VPS26B: variants seen among roughly 807,000 people sequenced by gnomAD.
VPS26B encodes the protein VPS26 retromer complex component B.
A neutral mutation model predicts 33.3 loss-of-function variants in VPS26B; 10 were observed. The observed-to-expected ratio is 0.30, with a 90% CI of 0.19 to 0.51. The LOEUF (loss-of-function observed/expected upper bound fraction) is 0.51. VPS26B is among the 20% of genes least tolerant of loss of function. The probability of loss-of-function intolerance (pLI) is 0.98; values close to 1 mark genes in which losing one functional copy is unlikely to be tolerated. For synonymous variants in VPS26B, 190 were observed against 176.9 expected, an observed-to-expected ratio of 1.07 and a Z score of -0.59; for missense variants, 317 against 452.7, an observed-to-expected ratio of 0.70 and a Z score of 2.72.
intron 2 of VPS26B, among the ~76,000 whole-genome samples, chr11:134,237,923 G>A (rs1451833068): frequency 6.6e-6 from 1 of 152,218 alleles, no homozygotes; most frequent in Non-Finnish European, 1.5e-5. Flanking sequence ...GGTAGGTCAA[G>A]AGGGTAAGGC....
intron 4 of VPS26B, chr11:134,243,581 T>C: frequency 2.7e-6 from 1 of 364,670 alleles, no homozygotes; most frequent in South Asian, 6.5e-5. Flanking sequence ...CTTTGGAAGG[T>C]CCAGGTTTAG....
At position 134,225,054 on chromosome 11, in the gene VPS26B, A is replaced by G; in HGVS notation, c.-69A>G. ...CGCATCGGGCCCTCTGGCCTTCTTT[A>G]CCTAGGGCAGCCCGCGCCCCGGTGC... is the stretch of plus-strand genomic sequence containing the variant. On this transcript the variant is annotated 5_prime_UTR_variant, in exon 1 of 6. Coordinates refer to ENST00000281187, the MANE Select transcript of VPS26B (RefSeq NM_052875.5). 1 of 1,472,880 alleles carries G rather than the reference A, an allele frequency of 6.8e-7. No homozygotes were observed. Among genetic ancestry groups the G allele is most frequent in the Non-Finnish European group, 9.1e-7 (1 of 1,095,396 alleles). 91.2% of individuals were successfully genotyped at this position (1,472,880 alleles called of 1,614,324 possible). A position where few individuals can be genotyped will look rare whatever the true frequency, so the allele number is the denominator to read the frequency against.
In VPS26B at chr11:134,224,898, G is replaced by C. The variant is rs1006076585; in HGVS notation, c.-225G>C. 1 of 192,720 alleles carries C rather than the reference G, an allele frequency of 5.2e-6. No homozygotes were observed. Among genetic ancestry groups the C allele is most frequent in the Non-Finnish European group, 1.0e-5 (1 of 96,466 alleles). 11.9% of individuals were successfully genotyped at this position (192,720 alleles called of 1,614,324 possible). ...ACTGCTCCTCGGTGCATTGCTGCTCGGGCGCCGCAGCCCGCAGCCGCCAGC... is the reference window on the plus strand; with the variant it reads ...ACTGCTCCTCGGTGCATTGCTGCTCCGGCGCCGCAGCCCGCAGCCGCCAGC... On this transcript the variant is annotated 5_prime_UTR_variant, in exon 1 of 6. Transcript: ENST00000281187.
At chr11:134,242,469 C>T (rs1591883743) in intron 3 of VPS26B, among the ~76,000 whole-genome samples, 2 of 152,326 alleles carry the variant, frequency 1.3e-5, no homozygotes, top group East Asian at 3.9e-4. Flanking sequence ...AGATTTTACT[C>T]GTTCTCTCAT....
intron 3 of VPS26B, 87 bp from the exon 4 acceptor site, chr11:134,243,032 G>A (rs971358139): frequency 8.8e-6 from 12 of 1,366,954 alleles, no homozygotes; most frequent in Admixed American, 1.8e-5. Context: ...TAACCAGCAC[G>A]CTTGGCCGTG....
intron 2 of VPS26B, 156 bp from the exon 3 acceptor site, chr11:134,239,835 C>A: frequency 1.3e-6 from 1 of 775,252 alleles, no homozygotes; most frequent in Non-Finnish European, 2.1e-6. Flanking sequence ...GCATCTTTCC[C>A]TGGAAGAGGG....
chr11:134,246,794 G>A lies in VPS26B; in HGVS notation c.*1204G>A, dbSNP rs955694010. On this transcript the variant is annotated 3_prime_UTR_variant, in exon 6 of 6. Coordinates refer to ENST00000281187, the MANE Select transcript of VPS26B (RefSeq NM_052875.5). ...ATATTCTTGTTATGCTAGAGAGGAA[G>A]GTACTTCTCCCTCTACGGCTCTGCG... The A allele has an allele frequency of 6.6e-6, 1 of 152,218 alleles. No homozygotes were observed. The highest frequency in any genetic ancestry group is 2.4e-5 in the African/African-American group (1 of 41,392). The allele number at this position is 152,218 out of a possible 1,614,324, so 9.4% of individuals were successfully genotyped here. A position where few individuals can be genotyped will look rare whatever the true frequency, so the allele number is the denominator to read the frequency against.
In VPS26B at chr11:134,225,113, C is replaced by T. The variant is rs1938418362; in HGVS notation, c.-10C>T. 4.4e-6 allele frequency: 7 copies of T among 1,593,788 alleles called. No individual in the cohort carries two copies. The highest frequency in any genetic ancestry group is 2.3e-5 in the East Asian group (1 of 44,018). On this transcript the variant is annotated 5_prime_UTR_variant, in exon 1 of 6. Coordinates refer to ENST00000281187, the MANE Select transcript of VPS26B (RefSeq NM_052875.5). ...GGTCCTTACCGAGACCCGCCCGGCC[C>T]GGCGGTGCGATGAGCTTCTTCGGCT...
At chr11:134,242,083 A>G (rs900614170) in intron 3 of VPS26B, among the ~76,000 whole-genome samples, 1 of 152,206 alleles carries the variant, frequency 6.6e-6, no homozygotes, top group African/African-American at 2.4e-5. Flanking sequence ...TCTGTATAAC[A>G]TTTAGAATAC....
In VPS26B at chr11:134,245,502, C is replaced by A; in HGVS notation, c.923C>A (p.Ala308Asp). 6.2e-7 allele frequency: 1 copy of A among 1,614,002 alleles called. No individual in the cohort carries two copies. The stretch of plus-strand genomic sequence containing the variant: ...CGGAAGAGCATGTCCCACCAGGCGG[C>A]CATCGCCTCACAGCGCTTTGAGGGC... ...IVRKSMSHQA[A>D]IASQRFEGTT... Residue 308 changes from alanine to aspartate, a missense_variant, in exon 6 of 6, where the codon GCC becomes GAC. Coordinates refer to ENST00000281187, the MANE Select transcript of VPS26B (RefSeq NM_052875.5). The surrounding 1 kb of genome is among the most constrained non-coding windows in gnomAD (Gnocchi z 4.7).
intron 1 of VPS26B, among the ~76,000 whole-genome samples, chr11:134,233,588 G>C (rs1938588643): frequency 1.3e-5 from 2 of 152,244 alleles, no homozygotes; most frequent in South Asian, 4.1e-4. Context: ...AGCTGGGCGT[G>C]GTGGCAGATG....
Position 134,240,291 on chromosome 11 carries a change from C to A in VPS26B, c.545+136C>A. 1 of 971,872 alleles carries A rather than the reference C, an allele frequency of 1.0e-6. No individual in the cohort carries two copies. The highest frequency in any genetic ancestry group is 3.2e-4 in the Middle Eastern group (1 of 3,158). The allele number at this position is 971,872 out of a possible 1,614,324, so 60.2% of individuals were successfully genotyped here. A position where few individuals can be genotyped will look rare whatever the true frequency, so the allele number is the denominator to read the frequency against. On this transcript the variant is annotated intron_variant, in intron 3 of 5. Coordinates refer to ENST00000281187, the MANE Select transcript of VPS26B (RefSeq NM_052875.5). This position sits in a 1 kb window ranked among gnomAD's most constrained non-coding sequence, Gnocchi z 4.4. Reference sequence around the variant, plus strand: ...ATGCGGTGGGGGAAGACCGTGGGAGCAATCCAGTGAGTGTCTATGGCAGGC... The same window carrying A: ...ATGCGGTGGGGGAAGACCGTGGGAGAAATCCAGTGAGTGTCTATGGCAGGC...
rs1938611273 is a variant in VPS26B, at chr11:134,235,071, G to A, written c.380+18G>A. 1.2e-6 allele frequency: 2 copies of A among 1,610,904 alleles called. No individual in the cohort carries two copies. The highest frequency in any genetic ancestry group is 8.5e-7 in the Non-Finnish European group (1 of 1,178,208). ...AAGCTACGGTAAGTGATGTCTGCTG[G>A]TTCCCCACTGTACCCTAGAACCTGC... On this transcript the variant is annotated intron_variant, in intron 2 of 5. Transcript: ENST00000281187.
In VPS26B at chr11:134,247,654, A is replaced by AGCAGCT. The variant is rs1232566116; in HGVS notation, c.*2069_*2074dup. 2 of 153,110 alleles carry AGCAGCT rather than the reference A, an allele frequency of 1.3e-5. No homozygotes were observed. Among genetic ancestry groups the AGCAGCT allele is most frequent in the African/African-American group, 4.8e-5 (2 of 41,450 alleles). The allele number at this position is 153,110 out of a possible 1,614,324, so 9.5% of individuals were successfully genotyped here. ...AATCAAGCAGTGCAACTTGTAATTA[A>AGCAGCT]GCAGCTGCAGTGTTTACATGTTTCT... On this transcript the variant is annotated 3_prime_UTR_variant, in exon 6 of 6. Coordinates refer to ENST00000281187, the MANE Select transcript of VPS26B (RefSeq NM_052875.5).
chr11:134,238,219 T>C (rs2136050612), intron 2 of VPS26B, among the ~76,000 whole-genome samples: 1 of 152,040 alleles, frequency 6.6e-6, no homozygotes, highest in Admixed American at 6.5e-5. Flanking sequence ...ATATGGAGAG[T>C]TCTTGGGCCG....
At chr11:134,236,126 A>G (rs996279148) in intron 2 of VPS26B, among the ~76,000 whole-genome samples, 1 of 152,078 alleles carries the variant, frequency 6.6e-6, no homozygotes, top group Non-Finnish European at 1.5e-5. Context: ...CCTGGGCAAC[A>G]TATTGAGACC....
chr11:134,244,730 GAAGC>G lies in VPS26B; in HGVS notation c.722-207_722-204del. ...GCTCTCTGTTTTCGAGAAGACATGA[GAAGC>G]TGCAACATGACCTGGAGTGGAACTG... On this transcript the variant is annotated intron_variant, in intron 4 of 5. Coordinates refer to ENST00000281187, the MANE Select transcript of VPS26B (RefSeq NM_052875.5). This position sits in a 1 kb window ranked among gnomAD's most constrained non-coding sequence, Gnocchi z 4.0. The G allele has an allele frequency of 3.5e-6, 2 of 572,780 alleles. No homozygotes were observed. Among genetic ancestry groups the G allele is most frequent in the South Asian group, 2.6e-5 (1 of 38,576 alleles). 35.5% of individuals were successfully genotyped at this position (572,780 alleles called of 1,614,324 possible). A position where few individuals can be genotyped will look rare whatever the true frequency, so the allele number is the denominator to read the frequency against.
rs1172197746 is a variant in VPS26B at position 134,244,536 on chromosome 11, T to C, written c.722-402T>C. On this transcript the variant is annotated intron_variant, in intron 4 of 5. Coordinates refer to ENST00000281187, the MANE Select transcript of VPS26B (RefSeq NM_052875.5). This position sits in a 1 kb window ranked among gnomAD's most constrained non-coding sequence, Gnocchi z 4.0. ...GTCCACACAAGAGGGAGGATGTATT[T>C]TGGGGGGCATACACTGAGGATGGAG... 6.3e-6 allele frequency: 1 copy of C among 159,674 alleles called. No homozygotes were observed. Among genetic ancestry groups the C allele is most frequent in the African/African-American group, 2.4e-5 (1 of 41,654 alleles). The allele number at this position is 159,674 out of a possible 1,614,324, so 9.9% of individuals were successfully genotyped here.
intron 2 of VPS26B, among the ~76,000 whole-genome samples, chr11:134,236,935 A>G (rs1003872167): frequency 1.3e-5 from 2 of 152,266 alleles, no homozygotes; most frequent in Admixed American, 6.5e-5. Context: ...CTGTATAATT[A>G]AAAATTGTTA....
Sources: allele counts gnomAD v4.1 joint callset (sites outside exome capture counted in the v4.1 genomes callset), GRCh38; gene constraint gnomAD v4.1.1; non-coding constraint Gnocchi (gnomAD v3.1); transcripts MANE v1.5; gene names NCBI Gene and HGNC (gene_info 2026-07-23, HGNC 2026-07-21).